Variants in SHC2 observed in about 807,000 individuals in gnomAD.
SHC2 encodes SHC adaptor protein 2.
In SHC2, 62 loss-of-function variants were observed where a neutral mutation model predicts 60.6. That is an observed-to-expected ratio of 1.02 (90% confidence interval 0.83 to 1.26). The LOEUF is 1.26. SHC2 is among the 50% of genes most tolerant of loss of function. The pLI, the probability that SHC2 is intolerant of heterozygous loss-of-function variation, is 0.00. For missense variants in SHC2, 873 were observed against 822.2 expected, an observed-to-expected ratio of 1.06 and a Z score of -0.76; for synonymous variants, 375 against 372.4, an observed-to-expected ratio of 1.01 and a Z score of -0.08.
chr19:439,560 A>AC (rs1974809662), intron 2 of SHC2: 1 of 155,120 alleles, frequency 6.4e-6, no homozygotes, highest in Non-Finnish European at 1.4e-5. Flanking sequence ...AGGGTCCTGA[A>AC]GGGGCCCCGG....
intron 9 of SHC2, 104 bp downstream of exon 9, chr19:430,580 G>T: frequency 1.2e-6 from 1 of 845,550 alleles, no homozygotes; most frequent in Non-Finnish European, 1.9e-6. Context: ...AGATTAATGT[G>T]AAATAAGCAG....
In SHC2 at chr19:424,566, G is replaced by A. The variant is rs545094737; in HGVS notation, c.1309+531C>T. On this transcript the variant is annotated intron_variant, in intron 10 of 12. Transcript: ENST00000264554. This position sits in a 1 kb window ranked among gnomAD's most constrained non-coding sequence, Gnocchi z 4.5. ...CAGACTAAGGAGTCCCATGGGGCGA[G>A]GGTCTGGCTTCCCCTGTTGACTGGA... Among the ~76,000 whole-genome samples, 1 of 152,266 alleles carries A rather than the reference G, an allele frequency of 6.6e-6. No individual in the cohort carries two copies. Among genetic ancestry groups the A allele is most frequent in the Non-Finnish European group, 1.5e-5 (1 of 68,006 alleles).
intron 1 of SHC2, among the ~76,000 whole-genome samples, chr19:443,843 TGGATGGATGGAC>T (rs1389779636): frequency 7.3e-6 from 1 of 136,672 alleles, no homozygotes; most frequent in Admixed American, 7.3e-5. Flanking sequence ...AGTGCATGGG[TGGATGGATGGAC>T]GGATGGATGG....
chr19:418,906 C>T lies in SHC2; in HGVS notation c.*5+17G>A, dbSNP rs149334546. 1,656 of 1,576,398 alleles carry T rather than the reference C, an allele frequency of 1.1e-3. 13 individuals carry two copies. The African/African-American group carries it at 0.016, about 16-fold the overall frequency. ...CAAAGGAGGCAAGGCCAGCGACCCA[C>T]GGCGGCAGCCACACACCTGGCTCAG... is the stretch of plus-strand genomic sequence containing the variant. On this transcript the variant is annotated intron_variant, in intron 12 of 12. Transcript: ENST00000264554.
At position 440,889 on chromosome 19, in the gene SHC2, TC is replaced by T; in HGVS notation, c.511del (p.Asp171ThrfsTer8). 1 of 1,612,792 alleles carries T rather than the reference TC, an allele frequency of 6.2e-7. No individual in the cohort carries two copies. Among genetic ancestry groups the T allele is most frequent in the African/African-American group, 1.3e-5 (1 of 75,034 alleles). On this transcript the variant is annotated frameshift_variant, in exon 2 of 13. Coordinates refer to ENST00000264554, the MANE Select transcript of SHC2 (RefSeq NM_012435.3). LOFTEE classifies it high-confidence loss of function. This position sits in a 1 kb window ranked among gnomAD's most constrained non-coding sequence, Gnocchi z 7.0. ...IEVLRSMRSLDFNTRTQVTRE... is the reference protein window; with the variant it reads ...IEVLRSMRSLXFNTRTQVTRE... ...GGTCACCTGCGTGCGCGTGTTAAAG[TC>T]CAGGGAGCGCATAGAGCGGAGAACC...
chr19:430,569 T>G, intron 9 of SHC2, 115 bp downstream of exon 9: 1 of 779,164 alleles, frequency 1.3e-6, no homozygotes, highest in Non-Finnish European at 2.1e-6. Context: ...GACGATCTCA[T>G]AGATTAATGT....
At chr19:443,336 G>GCA in intron 1 of SHC2, among the ~76,000 whole-genome samples, 6 of 150,030 alleles carry the variant, frequency 4.0e-5, no homozygotes, top group East Asian at 2.0e-4. Flanking sequence ...ATGGATGGGT[G>GCA]GATGGATGTG....
At chr19:428,955 C>G (rs111468629) in intron 9 of SHC2, among the ~76,000 whole-genome samples, 11,059 of 149,112 alleles carry the variant, frequency 0.074, 1,233 homozygotes, top group African/African-American at 0.26. Context: ...AGTACCTATA[C>G]CCAACGTGCA....
chr19:451,223 C>T (rs1053748286), intron 1 of SHC2, among the ~76,000 whole-genome samples: 5 of 103,314 alleles, frequency 4.8e-5, no homozygotes, highest in African/African-American at 8.8e-5. Context: ...ATGGCCACGC[C>T]GTGGCCACGT....
rs1233880262 is a variant in SHC2, at chr19:425,584, T to G, written c.1175-353A>C. On this transcript the variant is annotated intron_variant, in intron 9 of 12. Coordinates refer to ENST00000264554, the MANE Select transcript of SHC2 (RefSeq NM_012435.3). The surrounding 1 kb of genome is among the most constrained non-coding windows in gnomAD (Gnocchi z 4.1). The stretch of plus-strand genomic sequence containing the variant: ...TCCAGAGCTTCCCAGTGCGTGTATG[T>G]TCAGTCTCCACATTTAAAAATAATC... Among the ~76,000 whole-genome samples the G allele has an allele frequency of 6.6e-6, 1 of 152,188 alleles. No individual in the cohort carries two copies. Among genetic ancestry groups the G allele is most frequent in the African/African-American group, 2.4e-5 (1 of 41,446 alleles).
At chr19:419,887 C>T (rs1974229660) in intron 11 of SHC2, 1 of 152,288 alleles carries the variant, frequency 6.6e-6, no homozygotes, top group East Asian at 1.9e-4. Flanking sequence ...GGCTGGGGGC[C>T]CTGTGCACAT....
At chr19:436,129 G>T (rs1308296998) in intron 7 of SHC2, 36 bp downstream of exon 7, 5 of 1,604,050 alleles carry the variant, frequency 3.1e-6, no homozygotes, top group Non-Finnish European at 3.4e-6. Flanking sequence ...GTCACTGGGG[G>T]TGTCCCCAGG....
intron 12 of SHC2, among the ~76,000 whole-genome samples, chr19:417,836 C>T (rs1376499750): frequency 6.6e-6 from 1 of 152,068 alleles, no homozygotes; most frequent in Non-Finnish European, 1.5e-5. Flanking sequence ...TGGGTGGAGG[C>T]CGCGGCCGCA....
intron 1 of SHC2, among the ~76,000 whole-genome samples, chr19:442,853 G>A (rs1304550989): frequency 1.7e-4 from 20 of 117,582 alleles, no homozygotes; most frequent in Non-Finnish European, 1.8e-5. Context: ...ACGGGTGGAC[G>A]GATGGATGGG....
At chr19:452,236 TG>T (rs1975219352) in intron 1 of SHC2, among the ~76,000 whole-genome samples, 1 of 130,540 alleles carries the variant, frequency 7.7e-6, no homozygotes, top group African/African-American at 3.1e-5. Context: ...CGTACTGACT[TG>T]GGGGGAGTTC....
At chr19:457,799 A>C (rs548672456) in intron 1 of SHC2, among the ~76,000 whole-genome samples, 1 of 152,384 alleles carries the variant, frequency 6.6e-6, no homozygotes, top group East Asian at 1.9e-4. Flanking sequence ...GTGTGAAGGA[A>C]GCGCACGCGT....
At chr19:437,090 C>T (rs979806938) in intron 4 of SHC2, among the ~76,000 whole-genome samples, 5 of 152,184 alleles carry the variant, frequency 3.3e-5, no homozygotes, top group Non-Finnish European at 7.4e-5. Flanking sequence ...CTCCTGACTC[C>T]CTTGTCCACG....
rs760551127 is a variant in SHC2, at chr19:440,848, G to T, written c.539+14C>A. On this transcript the variant is annotated intron_variant, in intron 2 of 12. Transcript: ENST00000264554. The surrounding 1 kb of genome is among the most constrained non-coding windows in gnomAD (Gnocchi z 7.0). ...ACTCAGCCCTACGCGGCCAGGGCAG[G>T]GTTGGAGGCTCACCTGGTCACCTGC... The T allele has an allele frequency of 3.1e-6, 5 of 1,611,144 alleles. No homozygotes were observed. The highest frequency in any genetic ancestry group is 1.7e-5 in the Admixed American group (1 of 60,018).
chr19:458,343 AGAAGCGGGTTCCGGGGAGGCG>A (rs1568300670), intron 1 of SHC2, among the ~76,000 whole-genome samples: 12 of 39,694 alleles, frequency 3.0e-4, no homozygotes, highest in Non-Finnish European at 3.4e-4. Context: ...CCGGGGAGAC[AGAAGCGGGTTCCGGGGAGGCG>A]GAAGCGGGTC....
Sources: gnomAD v4.1 joint callset for allele counts (sites outside exome capture counted in the v4.1 genomes callset) on GRCh38, gnomAD v4.1.1 for gene constraint, Gnocchi (gnomAD v3.1) non-coding constraint, MANE v1.5 for transcripts, NCBI Gene and HGNC (gene_info 2026-07-23, HGNC 2026-07-21) for gene names.